The following MBNL2 variants were observed in gnomAD, a reference collection of about 807,000 sequenced individuals.
MBNL2 encodes muscleblind like splicing regulator 2.
In MBNL2, 17 loss-of-function variants were observed where a neutral mutation model predicts 41.9. The ratio of observed to expected loss-of-function variants is 0.41; its 90% CI spans 0.28 to 0.61. The LOEUF is 0.61. Among genes scored for constraint, MBNL2 ranks in the 20% least tolerant of loss-of-function variants. MBNL2 has a pLI of 0.35. For missense variants in MBNL2, 336 were observed against 505.6 expected, an observed-to-expected ratio of 0.66 and a Z score of 3.22; for synonymous variants, 195 against 182.9, an observed-to-expected ratio of 1.07 and a Z score of -0.53.
rs913339013 is a variant in MBNL2, at chr13:97,337,599, T to C, written c.339+3159T>C. ...AGTATGCATCCAGCCCAACCTCTCCTCTGAGCCCCAGGCTCACATATCCAC... is the reference window on the plus strand; with the variant it reads ...AGTATGCATCCAGCCCAACCTCTCCCCTGAGCCCCAGGCTCACATATCCAC... On this transcript the variant is annotated intron_variant, in intron 3 of 8. Coordinates refer to ENST00000679496, the MANE Select transcript of MBNL2 (RefSeq NM_001382683.1). Among the ~76,000 whole-genome samples the C allele has an allele frequency of 5.3e-5, 8 of 152,170 alleles. No individual in the cohort carries two copies. In the East Asian group the frequency reaches 1.5e-3, roughly 29 times the overall value.
chr13:97,291,236 A>AATTATT lies in MBNL2; in HGVS notation c.174+14843_174+14848dup, dbSNP rs546598699. Among the ~76,000 whole-genome samples the AATTATT allele has an allele frequency of 2.8e-4, 42 of 151,526 alleles. 1 individual carries two copies. Among genetic ancestry groups the AATTATT allele is most frequent in the Non-Finnish European group, 2.7e-4 (18 of 67,854 alleles). On this transcript the variant is annotated intron_variant, in intron 2 of 8. Transcript: ENST00000679496. ...GGATTTACAATATGTTTTGAGGTAG[A>AATTATT]ATTATTATTATTATTATTATTTTGA...
rs61185219 is a variant in MBNL2 at position 97,374,063 on chromosome 13, ATTTTTTTTTTTT to A, written c.1048+8910_1048+8921del. ...CACCTCAAATCCCATCCTCCTTTGC[ATTTTTTTTTTTT>A]TTTTTTTTTTTTTTTTTGAGATGGA... On this transcript the variant is annotated intron_variant, in intron 8 of 8. Coordinates refer to ENST00000679496, the MANE Select transcript of MBNL2 (RefSeq NM_001382683.1). Among the ~76,000 whole-genome samples, 5 of 63,108 alleles carry A rather than the reference ATTTTTTTTTTTT, an allele frequency of 7.9e-5. No homozygotes were observed. In the East Asian group the frequency reaches 1.8e-3, roughly 23 times the overall value. The allele number at this position is 63,108 out of a possible 152,430, so 41.4% of individuals were successfully genotyped here.
intron 1 of MBNL2, among the ~76,000 whole-genome samples, chr13:97,228,297 G>C (rs910254654): frequency 1.3e-5 from 2 of 152,144 alleles, no homozygotes; most frequent in African/African-American, 4.8e-5. Context: ...CCCCCAAGCT[G>C]TATAGGTAGG....
chr13:97,147,326 T>C, the MBNL2 span, among the ~76,000 whole-genome samples: 1 of 152,192 alleles, frequency 6.6e-6, no homozygotes, highest in South Asian at 2.1e-4. Flanking sequence ...ATTTGAGCTG[T>C]GTTTATAGAA....
rs1303123750 is a variant in MBNL2 at position 97,346,408 on chromosome 13, A to G, written c.541-396A>G. 2.6e-5 allele frequency among the ~76,000 whole-genome samples: 4 copies of G among 152,052 alleles called. No individual in the cohort carries two copies. Among genetic ancestry groups the G allele is most frequent in the Admixed American group, 6.5e-5 (1 of 15,272 alleles). Reference sequence around the variant, plus strand: ...GATAGATTGATTGATGGTAGATGATAGATGAAGGAATGGATGCATGGATAA... The same window carrying G: ...GATAGATTGATTGATGGTAGATGATGGATGAAGGAATGGATGCATGGATAA... On this transcript the variant is annotated intron_variant, in intron 4 of 8. Coordinates refer to ENST00000679496, the MANE Select transcript of MBNL2 (RefSeq NM_001382683.1). The surrounding 1 kb of genome is among the most constrained non-coding windows in gnomAD (Gnocchi z 4.2).
the MBNL2 span, among the ~76,000 whole-genome samples, chr13:97,159,701 C>A: frequency 2.6e-5 from 4 of 150,986 alleles, no homozygotes; most frequent in African/African-American, 9.7e-5. Flanking sequence ...AAATTCTTTT[C>A]TTTAAGAATG....
the MBNL2 span, among the ~76,000 whole-genome samples, chr13:97,210,511 A>T: frequency 6.8e-6 from 1 of 147,730 alleles, no homozygotes; most frequent in Non-Finnish European, 1.5e-5. Context: ...TTTCATATTG[A>T]TATATACAAA....
chr13:97,207,362 GA>G, the MBNL2 span, among the ~76,000 whole-genome samples: 2 of 152,158 alleles, frequency 1.3e-5, no homozygotes, highest in Non-Finnish European at 2.9e-5. Flanking sequence ...GGGCAATTTA[GA>G]AAAGAAGCAA....
chr13:97,240,091 GGGCCCCACCCCAGACTTCTGAATCCTA>G (rs1260399546), intron 1 of MBNL2, among the ~76,000 whole-genome samples: 3 of 152,340 alleles, frequency 2.0e-5, no homozygotes, highest in East Asian at 3.9e-4. Context: ...ACAGATTCCA[GGGCCCCACCCCAGACTTCTGAATCCTA>G]GGCCCCACCT....
intron 7 of MBNL2, among the ~76,000 whole-genome samples, chr13:97,358,091 T>C (rs2063129413): frequency 6.6e-6 from 1 of 152,246 alleles, no homozygotes; most frequent in African/African-American, 2.4e-5. Flanking sequence ...CATATTTTTA[T>C]ATTCATTCTA....
intron 8 of MBNL2, among the ~76,000 whole-genome samples, chr13:97,373,556 G>A (rs1160997535): frequency 1.3e-5 from 2 of 150,606 alleles, no homozygotes; most frequent in Non-Finnish European, 2.9e-5. Flanking sequence ...GAATTCCACT[G>A]TATGCATGGC....
intron 1 of MBNL2, among the ~76,000 whole-genome samples, chr13:97,237,222 G>T (rs1412647614): frequency 6.6e-6 from 1 of 152,210 alleles, no homozygotes; most frequent in Non-Finnish European, 1.5e-5. Context: ...TTTTTGTGAA[G>T]ATTTGGTAAA....
At chr13:97,389,712 AAAAGAAAG>A (rs147584909) in intron 8 of MBNL2, among the ~76,000 whole-genome samples, 37 of 151,748 alleles carry the variant, frequency 2.4e-4, no homozygotes, top group South Asian at 6.2e-4. Context: ...TCTCAAAAAA[AAAAGAAAG>A]AAAGAAAGAA....
chr13:97,237,472 C>T (rs941563921), intron 1 of MBNL2, among the ~76,000 whole-genome samples: 2 of 152,170 alleles, frequency 1.3e-5, no homozygotes, highest in East Asian at 1.9e-4. Flanking sequence ...TATACTCTAC[C>T]GTTACAGGTA....
chr13:97,186,843 A>G, the MBNL2 span, among the ~76,000 whole-genome samples: 1 of 152,206 alleles, frequency 6.6e-6, no homozygotes, highest in Admixed American at 6.5e-5. Context: ...CATACACCAA[A>G]AAAAAGGGGG....
intron 2 of MBNL2, among the ~76,000 whole-genome samples, chr13:97,332,040 C>A (rs941840979): frequency 2.0e-5 from 3 of 152,146 alleles, no homozygotes; most frequent in Non-Finnish European, 4.4e-5. Context: ...TGAGTGAATA[C>A]AATATAACAG....
At position 97,301,750 on chromosome 13, in the gene MBNL2, C is replaced by T. The variant is rs78051237; in HGVS notation, c.174+25341C>T. On this transcript the variant is annotated intron_variant, in intron 2 of 8. Transcript: ENST00000679496. ...CCAATTTAACAAACCAGTTTAGATG[C>T]GGGGTTTAGTTAACAGAAAACACCA... Among the ~76,000 whole-genome samples the T allele has an allele frequency of 2.4e-3, 361 of 152,276 alleles. 2 individuals carry two copies. The highest frequency in any genetic ancestry group is 8.1e-3 in the African/African-American group (335 of 41,540).
chr13:97,335,585 T>C (rs2060810668), intron 3 of MBNL2, among the ~76,000 whole-genome samples: 1 of 151,566 alleles, frequency 6.6e-6, no homozygotes, highest in South Asian at 2.1e-4. Context: ...CTGCCCAGAG[T>C]AAAAGAAATG....
chr13:97,274,907 CAACTA>C (rs1157657012), intron 1 of MBNL2, among the ~76,000 whole-genome samples: 1 of 149,592 alleles, frequency 6.7e-6, no homozygotes, highest in African/African-American at 2.4e-5. Flanking sequence ...AAACTGAACT[CAACTA>C]AAACTAATTT....
Sources: allele counts gnomAD v4.1 joint callset (sites outside exome capture counted in the v4.1 genomes callset), GRCh38; gene constraint gnomAD v4.1.1; non-coding constraint Gnocchi (gnomAD v3.1); transcripts MANE v1.5; gene names NCBI Gene and HGNC (gene_info 2026-07-23, HGNC 2026-07-21).